SIRPA: variants seen among roughly 807,000 people sequenced by gnomAD.
SIRPA encodes signal regulatory protein alpha.
A neutral mutation model predicts 50.3 loss-of-function variants in SIRPA; 9 were observed. The ratio of observed to expected loss-of-function variants is 0.18; its 90% CI spans 0.11 to 0.31. SIRPA has a LOEUF of 0.31. SIRPA is among the 10% of genes least tolerant of loss of function. SIRPA has a pLI of 1.00. For synonymous variants in SIRPA, 265 were observed against 284.1 expected (o/e 0.93, Z 0.68); for missense variants, 474 against 661.6 (o/e 0.72, Z 3.11).
upstream of SIRPA, chr20:1,895,262 G>C: frequency 2.3e-6 from 1 of 441,520 alleles, no homozygotes; most frequent in Non-Finnish European, 4.0e-6. Context: ...TGGGGGGCGG[G>C]GAGGGGGGGT....
At chr20:1,902,011 T>G (rs374385632) in intron 1 of SIRPA, among the ~76,000 whole-genome samples, 1 of 152,236 alleles carries the variant, frequency 6.6e-6, no homozygotes, top group African/African-American at 2.4e-5. Context: ...AGGTACACGA[T>G]GTGCTCGGCA....
intron 1 of SIRPA, among the ~76,000 whole-genome samples, chr20:1,903,136 G>A (rs750000366): frequency 6.6e-6 from 1 of 152,154 alleles, no homozygotes; most frequent in Non-Finnish European, 1.5e-5. Context: ...GAATGAGCTT[G>A]TATGTTCCAG....
At chr20:1,921,850 G>A (rs1041716213) in intron 3 of SIRPA, 138 bp downstream of exon 3, 5 of 710,404 alleles carry the variant, frequency 7.0e-6, no homozygotes, top group Non-Finnish European at 1.2e-5. Context: ...CACCTCCCAT[G>A]CCCCTAGATG....
chr20:1,906,495 G>A (rs1984557266), intron 1 of SIRPA, among the ~76,000 whole-genome samples: 1 of 152,174 alleles, frequency 6.6e-6, no homozygotes, highest in Non-Finnish European at 1.5e-5. Context: ...CTGAAGGAGA[G>A]GAGCGAGCCA....
At chr20:1,923,792 C>G (rs1184838571) in intron 4 of SIRPA, among the ~76,000 whole-genome samples, 1 of 152,216 alleles carries the variant, frequency 6.6e-6, no homozygotes, top group African/African-American at 2.4e-5. Context: ...GTCAGTGCCT[C>G]TCTCTGGGCC....
Position 1,934,154 on chromosome 20 carries a change from C to G in SIRPA, c.1227-561C>G, listed in dbSNP as rs573226263. Among the ~76,000 whole-genome samples, 1 of 152,020 alleles carries G rather than the reference C, an allele frequency of 6.6e-6. No homozygotes were observed. The highest frequency in any genetic ancestry group is 1.5e-5 in the Non-Finnish European group (1 of 67,994). ...AGCAATTTTAACTTAAAAAAAAAAC[C>G]TCCTCATAAACCTTTTAAATCTTTA... On this transcript the variant is annotated intron_variant, in intron 6 of 7. Coordinates refer to ENST00000358771, the MANE Select transcript of SIRPA (RefSeq NM_001040023.2). The surrounding 1 kb of genome is among the most constrained non-coding windows in gnomAD (Gnocchi z 4.6).
chr20:1,897,284 C>T (rs1317821438), intron 1 of SIRPA, among the ~76,000 whole-genome samples: 2 of 152,228 alleles, frequency 1.3e-5, no homozygotes, highest in African/African-American at 2.4e-5. Flanking sequence ...AAAGTGGGAG[C>T]AGCAGAGGGG....
In SIRPA at chr20:1,927,615, C is replaced by G. The variant is rs1303015371; in HGVS notation, c.1202-260C>G. Among the ~76,000 whole-genome samples the G allele has an allele frequency of 1.3e-5, 2 of 152,144 alleles. No individual in the cohort carries two copies. Among genetic ancestry groups the G allele is most frequent in the Non-Finnish European group, 2.9e-5 (2 of 68,022 alleles). ...GACAGAGGTAGGGCGGTTGTCGCCTCCCAGGCTGAAGGCTGCTTTTGGACC... is the reference window on the plus strand; with the variant it reads ...GACAGAGGTAGGGCGGTTGTCGCCTGCCAGGCTGAAGGCTGCTTTTGGACC... On this transcript the variant is annotated intron_variant, in intron 5 of 7. Coordinates refer to ENST00000358771, the MANE Select transcript of SIRPA (RefSeq NM_001040023.2). The surrounding 1 kb of genome is among the most constrained non-coding windows in gnomAD (Gnocchi z 6.5).
chr20:1,913,876 C>T (rs971453969), intron 1 of SIRPA, among the ~76,000 whole-genome samples: 4 of 152,066 alleles, frequency 2.6e-5, no homozygotes, highest in African/African-American at 2.4e-5. Flanking sequence ...TGTCTGGGCT[C>T]CCCCCGTGCA....
In SIRPA at chr20:1,927,865, T is replaced by C. The variant is rs138653002; in HGVS notation, c.1202-10T>C. 2.8e-4 allele frequency: 448 copies of C among 1,613,922 alleles called. 2 individuals carry two copies. The East Asian group carries it at 9.7e-3, about 35-fold the overall frequency. ...TTAAACAACTGGCTTTTGTTTCTTT[T>C]GTCTTTCAGCCCAGGGCTCCACTTC... On this transcript the variant is annotated splice_polypyrimidine_tract_variant and intron_variant, in intron 5 of 7. Transcript: ENST00000358771. This position sits in a 1 kb window ranked among gnomAD's most constrained non-coding sequence, Gnocchi z 6.5.
intron 1 of SIRPA, among the ~76,000 whole-genome samples, chr20:1,899,918 T>C (rs1295647198): frequency 6.6e-6 from 1 of 152,228 alleles, no homozygotes; most frequent in Non-Finnish European, 1.5e-5. Context: ...CAATACATAT[T>C]AACCAGTGTT....
At position 1,940,230 on chromosome 20, in the gene SIRPA, A is replaced by G. The variant is rs1458275231; in HGVS notation, c.*2662A>G. Reference sequence around the variant, plus strand: ...CAATGGGGCAGGAATAGTCCCTGCCAGGGTGACTGTGTGGATTCAAGGAGG... The same window carrying G: ...CAATGGGGCAGGAATAGTCCCTGCCGGGGTGACTGTGTGGATTCAAGGAGG... On this transcript the variant is annotated 3_prime_UTR_variant, in exon 8 of 8. Coordinates refer to ENST00000358771, the MANE Select transcript of SIRPA (RefSeq NM_001040023.2). 1.3e-5 allele frequency: 2 copies of G among 152,280 alleles called. No homozygotes were observed. Among genetic ancestry groups the G allele is most frequent in the South Asian group, 2.1e-4 (1 of 4,830 alleles). 9.4% of individuals were successfully genotyped at this position (152,280 alleles called of 1,614,324 possible). A position where few individuals can be genotyped will look rare whatever the true frequency, so the allele number is the denominator to read the frequency against.
intron 1 of SIRPA, among the ~76,000 whole-genome samples, chr20:1,907,801 A>G (rs1984634867): frequency 6.6e-6 from 1 of 152,230 alleles, no homozygotes; most frequent in African/African-American, 2.4e-5. Context: ...GAGGGCATGA[A>G]TGAATCATTC....
In SIRPA at chr20:1,906,557, C is replaced by T. The variant is rs531665762; in HGVS notation, c.80-8542C>T. Among the ~76,000 whole-genome samples, 72 of 152,178 alleles carry T rather than the reference C, an allele frequency of 4.7e-4. 1 individual carries two copies. Among genetic ancestry groups the T allele is most frequent in the Middle Eastern group, 3.4e-3 (1 of 294 alleles). The stretch of plus-strand genomic sequence containing the variant: ...TGCCAGGCAGAGGCAATGGCGAGTG[C>T]AAAGGTCATGTGGTGAGTGGAGAAT... On this transcript the variant is annotated intron_variant, in intron 1 of 7. Transcript: ENST00000358771.
At chr20:1,922,230 G>A (rs921527719) in intron 3 of SIRPA, 83 bp from the exon 4 acceptor site, 7 of 1,559,554 alleles carry the variant, frequency 4.5e-6, no homozygotes, top group Admixed American at 1.8e-5. Flanking sequence ...TGACCTCACC[G>A]TGGTGGGGGA....
At chr20:1,917,672 T>C (rs1985384433) in intron 2 of SIRPA, among the ~76,000 whole-genome samples, 1 of 152,202 alleles carries the variant, frequency 6.6e-6, no homozygotes, top group African/African-American at 2.4e-5. Context: ...GTAGCATCCA[T>C]GGAGCAGAGT....
At chr20:1,895,917 C>A (rs1473066553) in intron 1 of SIRPA, among the ~76,000 whole-genome samples, 4 of 152,242 alleles carry the variant, frequency 2.6e-5, no homozygotes, top group African/African-American at 9.6e-5. Flanking sequence ...CGACTTTCCA[C>A]ATGTTTGACT....
intron 1 of SIRPA, among the ~76,000 whole-genome samples, chr20:1,913,832 C>T (rs983405028): frequency 1.3e-5 from 2 of 152,220 alleles, no homozygotes; most frequent in South Asian, 2.1e-4. Context: ...CCATCTTCAA[C>T]GCATCTCATG....
chr20:1,927,779 C>A lies in SIRPA; in HGVS notation c.1202-96C>A. 1 of 1,067,352 alleles carries A rather than the reference C, an allele frequency of 9.4e-7. No homozygotes were observed. Among genetic ancestry groups the A allele is most frequent in the Non-Finnish European group, 1.5e-6 (1 of 682,000 alleles). The allele number at this position is 1,067,352 out of a possible 1,614,324, so 66.1% of individuals were successfully genotyped here. A position where few individuals can be genotyped will look rare whatever the true frequency, so the allele number is the denominator to read the frequency against. The stretch of plus-strand genomic sequence containing the variant: ...GGATGTGATTACAGCATTTCCTCTC[C>A]ATGTCCCTGGAGGCAAACCTTTTGC... On this transcript the variant is annotated intron_variant, in intron 5 of 7. Transcript: ENST00000358771. This position sits in a 1 kb window ranked among gnomAD's most constrained non-coding sequence, Gnocchi z 6.5.
Sources: gnomAD v4.1 joint callset for allele counts (sites outside exome capture counted in the v4.1 genomes callset) on GRCh38, gnomAD v4.1.1 for gene constraint, Gnocchi (gnomAD v3.1) non-coding constraint, MANE v1.5 for transcripts, NCBI Gene and HGNC (gene_info 2026-07-23, HGNC 2026-07-21) for gene names.